The following DENND2B variants were observed in gnomAD, a reference collection of about 807,000 sequenced individuals.
DENND2B encodes DENN domain containing 2B, also known as DENN domain-containing protein 2B.
In DENND2B, 32 loss-of-function variants were observed where a neutral mutation model predicts 116.0. The observed-to-expected ratio is 0.28, with a 90% CI of 0.21 to 0.37. The LOEUF is 0.37. DENND2B is among the 10% of genes least tolerant of loss of function. The probability of loss-of-function intolerance (pLI) is 1.00; values close to 1 mark genes in which losing one functional copy is unlikely to be tolerated. For synonymous variants in DENND2B, 588 were observed against 583.9 expected (o/e 1.01, Z -0.10); for missense variants, 1,276 against 1,477.7 (o/e 0.86, Z 2.24).
chr11:8,702,525 T>C lies in DENND2B; in HGVS notation c.2720+47A>G. The C allele has an allele frequency of 6.2e-7, 1 of 1,604,290 alleles. No individual in the cohort carries two copies. The highest frequency in any genetic ancestry group is 1.1e-5 in the South Asian group (1 of 91,014). On this transcript the variant is annotated intron_variant, in intron 14 of 19. Transcript: ENST00000313726. The surrounding 1 kb of genome is among the most constrained non-coding windows in gnomAD (Gnocchi z 4.6). ...GAACACTTGCTGATTCGCTTGTGGG[T>C]GTGCCTTCCCCCCTCCCTTCTGCTT... is the stretch of plus-strand genomic sequence containing the variant.
At chr11:8,767,772 A>T (rs1352258843) in intron 1 of DENND2B, among the ~76,000 whole-genome samples, 2 of 152,174 alleles carry the variant, frequency 1.3e-5, no homozygotes, top group African/African-American at 4.8e-5. Context: ...TGAGATGGGC[A>T]TGGGTGGCAC....
chr11:8,818,477 G>C (rs2061654309), intron 4 of DENND2B, among the ~76,000 whole-genome samples: 11 of 152,152 alleles, frequency 7.2e-5, no homozygotes, highest in Admixed American at 7.2e-4. Flanking sequence ...GCCTGGGAAA[G>C]AAGTACCCCT....
At chr11:8,906,663 A>G (rs1031532511) in intron 1 of DENND2B, among the ~76,000 whole-genome samples, 1 of 152,150 alleles carries the variant, frequency 6.6e-6, no homozygotes, top group African/African-American at 2.4e-5. Context: ...TCAATTTTAA[A>G]CAGATTGTGA....
At chr11:8,897,429 GA>G (rs1413368069) in intron 1 of DENND2B, among the ~76,000 whole-genome samples, 8 of 152,138 alleles carry the variant, frequency 5.3e-5, no homozygotes, top group South Asian at 4.1e-4. Context: ...GTTCTATCAG[GA>G]CAGTAAAATC....
chr11:8,781,511 A>G (rs1593603460), intron 1 of DENND2B, among the ~76,000 whole-genome samples: 1 of 152,190 alleles, frequency 6.6e-6, no homozygotes, highest in African/African-American at 2.4e-5. Flanking sequence ...GCAAGATGAT[A>G]AAACTATTCC....
intron 3 of DENND2B, among the ~76,000 whole-genome samples, chr11:8,848,923 C>G (rs1345356014): frequency 2.0e-5 from 3 of 151,742 alleles, no homozygotes; most frequent in Non-Finnish European, 4.4e-5. Flanking sequence ...GATTCTTAAC[C>G]CAGGGTTTAT....
chr11:8,781,717 AACTGACAAGTG>A (rs780497461), intron 1 of DENND2B, among the ~76,000 whole-genome samples: 74 of 152,334 alleles, frequency 4.9e-4, no homozygotes, highest in Non-Finnish European at 9.4e-4. Context: ...CAGAGCACAT[AACTGACAAGTG>A]ATTAAAAATC....
chr11:8,814,699 C>G (rs544469461), upstream of DENND2B, among the ~76,000 whole-genome samples: 9 of 152,246 alleles, frequency 5.9e-5, no homozygotes, highest in African/African-American at 2.2e-4. Context: ...AGTCTTCCCT[C>G]AGAAGAGTTC....
intron 1 of DENND2B, among the ~76,000 whole-genome samples, chr11:8,885,042 C>T (rs1162127735): frequency 6.6e-6 from 1 of 152,244 alleles, no homozygotes; most frequent in African/African-American, 2.4e-5. Context: ...CTACCAATCC[C>T]ATTGGTACCT....
At chr11:8,869,619 G>A (rs910359396) in intron 2 of DENND2B, among the ~76,000 whole-genome samples, 4 of 151,170 alleles carry the variant, frequency 2.6e-5, no homozygotes, top group Admixed American at 1.3e-4. Flanking sequence ...CCGAGATTGC[G>A]CCACTGCACT....
chr11:8,858,262 T>C (rs546659449), intron 2 of DENND2B, among the ~76,000 whole-genome samples: 3 of 152,224 alleles, frequency 2.0e-5, no homozygotes, highest in South Asian at 4.1e-4. Context: ...TTCTAAAAAG[T>C]AAAGATATCA....
At chr11:8,786,954 T>C (rs2058967277) in intron 1 of DENND2B, 1 of 152,228 alleles carries the variant, frequency 6.6e-6, no homozygotes, top group Non-Finnish European at 1.5e-5. Flanking sequence ...TTATCTACTG[T>C]GTGCCAAGCA....
chr11:8,726,472 C>CA (rs2047100833), intron 3 of DENND2B, among the ~76,000 whole-genome samples: 1 of 152,198 alleles, frequency 6.6e-6, no homozygotes, highest in Admixed American at 6.5e-5. Context: ...CATGCTGTTC[C>CA]AGGTGCTGCG....
intron 2 of DENND2B, among the ~76,000 whole-genome samples, chr11:8,877,899 T>C (rs2063861852): frequency 6.6e-6 from 1 of 152,166 alleles, no homozygotes; most frequent in Non-Finnish European, 1.5e-5. Flanking sequence ...TGTAAGCAAA[T>C]TTAAAATCTA....
chr11:8,771,418 ATG>A (rs1181655494), intron 1 of DENND2B, among the ~76,000 whole-genome samples: 11 of 152,022 alleles, frequency 7.2e-5, no homozygotes, highest in Non-Finnish European at 1.3e-4. Context: ...GTGTGTGCAC[ATG>A]TGTGTTACTG....
intron 3 of DENND2B, among the ~76,000 whole-genome samples, chr11:8,848,386 A>C (rs1395649724): frequency 6.6e-6 from 1 of 152,220 alleles, no homozygotes; most frequent in Non-Finnish European, 1.5e-5. Context: ...AATAATAATA[A>C]AATGTTAAAT....
chr11:8,888,048 G>C (rs2063981954), intron 1 of DENND2B, among the ~76,000 whole-genome samples: 1 of 152,210 alleles, frequency 6.6e-6, no homozygotes, highest in South Asian at 2.1e-4. Context: ...CTGCTGGAAT[G>C]TCTCTCCCCA....
rs760142494 is a variant in DENND2B at position 8,707,053 on chromosome 11, A to G, written c.2571+32T>C. On this transcript the variant is annotated intron_variant, in intron 13 of 19. Coordinates refer to ENST00000313726, the MANE Select transcript of DENND2B (RefSeq NM_213618.2). This position sits in a 1 kb window ranked among gnomAD's most constrained non-coding sequence, Gnocchi z 4.8. ...TGGTCCTCCTGCCACCCCAGCCCGTAGCCCGAGAGAAGAGGGTGCAGAAAT... is the reference window on the plus strand; with the variant it reads ...TGGTCCTCCTGCCACCCCAGCCCGTGGCCCGAGAGAAGAGGGTGCAGAAAT... 1.9e-6 allele frequency: 3 copies of G among 1,597,930 alleles called. No individual in the cohort carries two copies. The highest frequency in any genetic ancestry group is 2.6e-6 in the Non-Finnish European group (3 of 1,170,042).
At chr11:8,706,952 G>A in intron 13 of DENND2B, 133 bp downstream of exon 13, 1 of 1,170,856 alleles carries the variant, frequency 8.5e-7, no homozygotes, top group Non-Finnish European at 1.2e-6. Context: ...GGTCCCTAGT[G>A]ATGGGGTACA....
Sources: gnomAD v4.1 joint callset for allele counts (sites outside exome capture counted in the v4.1 genomes callset) on GRCh38, gnomAD v4.1.1 for gene constraint, Gnocchi (gnomAD v3.1) non-coding constraint, MANE v1.5 for transcripts, NCBI Gene and HGNC (gene_info 2026-07-23, HGNC 2026-07-21) for gene names.